Variants in LUC7L observed in about 807,000 individuals in gnomAD.
The protein encoded by LUC7L is LUC7 like.
LUC7L carries 29 observed loss-of-function variants against 51.1 expected under a neutral mutation model. The observed-to-expected ratio is 0.57, with a 90% CI of 0.42 to 0.77. The LOEUF (loss-of-function observed/expected upper bound fraction) is 0.77, where lower values mean the gene tolerates loss of function less well. Ranked by LOEUF, LUC7L falls within the 30% of genes least tolerant of loss-of-function variation. The pLI is 0.00. For synonymous variants in LUC7L, 181 were observed against 180.7 expected (o/e 1.00, Z -0.01); for missense variants, 403 against 511.9 (o/e 0.79, Z 2.05).
chr16:189,438 C>T, intron 9 of LUC7L, 99 bp from the exon 10 acceptor site: 1 of 1,459,700 alleles, frequency 6.9e-7, no homozygotes, highest in Non-Finnish European at 9.0e-7. Flanking sequence ...CCAGGCAAGG[C>T]CCTACATCCC....
chr16:205,240 C>G (rs952662518), intron 5 of LUC7L, among the ~76,000 whole-genome samples: 1 of 152,128 alleles, frequency 6.6e-6, no homozygotes, highest in Non-Finnish European at 1.5e-5. Flanking sequence ...CTCCAAAAGT[C>G]CTAGGATTAA....
intron 7 of LUC7L, 91 bp from the exon 8 acceptor site, chr16:190,661 C>T (rs1462871118): frequency 3.5e-6 from 4 of 1,153,434 alleles, no homozygotes; most frequent in Non-Finnish European, 3.9e-6. Context: ...CAGGCAATCA[C>T]CTGAGGTCAC....
rs372225550 is a variant in LUC7L at position 225,721 on chromosome 16, G to A, written c.156+1521C>T. Reference sequence around the variant, plus strand: ...GCTGGTCGCCAACTCCCAACCTCAGGTGATCCACCCGCCTCGGCCTCCCAA... The same window carrying A: ...GCTGGTCGCCAACTCCCAACCTCAGATGATCCACCCGCCTCGGCCTCCCAA... On this transcript the variant is annotated intron_variant, in intron 2 of 9. Transcript: ENST00000293872. Among the ~76,000 whole-genome samples the A allele has an allele frequency of 1.6e-4, 24 of 151,204 alleles. No individual in the cohort carries two copies. The South Asian group carries it at 3.7e-3, about 24-fold the overall frequency.
At chr16:211,677 A>G (rs993153170) in intron 3 of LUC7L, among the ~76,000 whole-genome samples, 1 of 151,842 alleles carries the variant, frequency 6.6e-6, no homozygotes, top group Non-Finnish European at 1.5e-5. Context: ...CTTACTAGAA[A>G]GTCACCCAAT....
chr16:189,968 T>C lies in LUC7L; in HGVS notation c.974A>G (p.Lys325Arg), dbSNP rs1199472358. 3 of 1,610,986 alleles carry C rather than the reference T, an allele frequency of 1.9e-6. No homozygotes were observed. The highest frequency in any genetic ancestry group is 1.1e-5 in the South Asian group (1 of 90,858). Residue 325 changes from lysine (K) to arginine (R), a missense_variant and splice_region_variant, in exon 9 of 10, where the codon AAG becomes AGG. Around this residue, in one of 3 missense-constraint regions of LUC7L, gnomAD observed 206 missense variants for 218.3 expected, o/e 0.94. Coordinates refer to ENST00000293872, the MANE Select transcript of LUC7L (RefSeq NM_201412.3). ...CTACCGAAGGAGTCAGAGTAGTTACTTGTATTTCGCACTTCGGTCCCGGGA... is the reference window on the plus strand; with the variant it reads ...CTACCGAAGGAGTCAGAGTAGTTACCTGTATTTCGCACTTCGGTCCCGGGA... Reference protein sequence around the residue: ...RASRDRSAKYKFSRERASREE... With the variant: ...RASRDRSAKYRFSRERASREE...
At chr16:204,692 T>C (rs2049432910) in intron 5 of LUC7L, among the ~76,000 whole-genome samples, 1 of 152,194 alleles carries the variant, frequency 6.6e-6, no homozygotes, top group African/African-American at 2.4e-5. Context: ...ACACTGCTCA[T>C]TTACAAGATG....
At chr16:205,869 G>A (rs184982009) in intron 5 of LUC7L, 135 bp downstream of exon 5, 22 of 997,950 alleles carry the variant, frequency 2.2e-5, no homozygotes, top group Middle Eastern at 2.2e-4. Flanking sequence ...GATGACAGGC[G>A]TGAGCCACTG....
chr16:223,727 T>C (rs1408637801), intron 2 of LUC7L, among the ~76,000 whole-genome samples: 1 of 151,946 alleles, frequency 6.6e-6, no homozygotes, highest in Non-Finnish European at 1.5e-5. Flanking sequence ...TGGAGTGCAG[T>C]GGCACGATCT....
At chr16:202,890 G>A (rs1457691075) in intron 5 of LUC7L, among the ~76,000 whole-genome samples, 1 of 152,222 alleles carries the variant, frequency 6.6e-6, no homozygotes, top group Non-Finnish European at 1.5e-5. Flanking sequence ...GCTCACGCCT[G>A]TAATCCCAGC....
In LUC7L at chr16:206,165, G is replaced by C. The variant is rs372014222; in HGVS notation, c.367-18C>G. ...TTTTCTGCCTGTGAGGAGAAAGAAT[G>C]AGGTAAGCAGACATCTGAAAATGAA... On this transcript the variant is annotated intron_variant, in intron 4 of 9. Coordinates refer to ENST00000293872, the MANE Select transcript of LUC7L (RefSeq NM_201412.3). 1.9e-6 allele frequency: 3 copies of C among 1,605,236 alleles called. No homozygotes were observed. The highest frequency in any genetic ancestry group is 1.7e-6 in the Non-Finnish European group (2 of 1,177,920).
chr16:208,303 T>C, intron 3 of LUC7L, 115 bp from the exon 4 acceptor site: 2 of 716,946 alleles, frequency 2.8e-6, no homozygotes, highest in Non-Finnish European at 4.7e-6. Flanking sequence ...AGCCTGTACA[T>C]TCAAGGGAAA....
intron 7 of LUC7L, among the ~76,000 whole-genome samples, chr16:191,794 G>A (rs1235792932): frequency 4.6e-5 from 7 of 152,316 alleles, no homozygotes; most frequent in Non-Finnish European, 8.8e-5. Flanking sequence ...GCAGTGAGCC[G>A]ATATCGCACC....
chr16:215,623 CAAAA>C (rs533237473), intron 3 of LUC7L, among the ~76,000 whole-genome samples: 1 of 73,868 alleles, frequency 1.4e-5, no homozygotes. Context: ...AACTCCGTCT[CAAAA>C]AAAAAAAAAA....
intron 7 of LUC7L, among the ~76,000 whole-genome samples, chr16:192,503 T>TTTC (rs74322194): frequency 2.7e-5 from 1 of 36,564 alleles, no homozygotes; most frequent in Non-Finnish European, 8.9e-5. Flanking sequence ...TGCTGTTTAC[T>TTTC]TTTTTTTTTT....
intron 5 of LUC7L, among the ~76,000 whole-genome samples, chr16:203,799 G>C (rs2049401683): frequency 6.6e-6 from 1 of 151,836 alleles, no homozygotes; most frequent in Non-Finnish European, 1.5e-5. Context: ...GGCGGATCAT[G>C]AGGTCAGGAG....
chr16:194,415 T>C (rs2049097255), intron 6 of LUC7L, among the ~76,000 whole-genome samples: 1 of 152,234 alleles, frequency 6.6e-6, no homozygotes, highest in Admixed American at 6.5e-5. Context: ...CATTAGATTT[T>C]AACAATGTGG....
chr16:203,846 C>G (rs2049403282), intron 5 of LUC7L, among the ~76,000 whole-genome samples: 1 of 151,788 alleles, frequency 6.6e-6, no homozygotes, highest in African/African-American at 2.4e-5. Flanking sequence ...TAAATCATAT[C>G]TCTACTAAAA....
chr16:206,096 C>G lies in LUC7L; in HGVS notation c.418G>C (p.Ala140Pro). The change falls in exon 5 of 10, where the codon GCC (alanine) becomes CCC (proline). Residue 140 changes from alanine to proline, a missense_variant. Ala to Pro is a conservative substitution (Grantham distance 27). Around this residue, in one of 3 missense-constraint regions of LUC7L, gnomAD observed 182 missense variants for 248.4 expected, o/e 0.73. Coordinates refer to ENST00000293872, the MANE Select transcript of LUC7L (RefSeq NM_201412.3). Reference sequence around the variant, plus strand: ...TTACCTTCAGCCCCTAGCTGTTCGGCTTTAGCAAGGAGTTTTCCTATTTCT... The same window carrying G: ...TTACCTTCAGCCCCTAGCTGTTCGGGTTTAGCAAGGAGTTTTCCTATTTCT... ...NEEIGKLLAK[A>P]EQLGAEGNVD... is the part of the protein sequence containing the mutation. 6.2e-7 allele frequency: 1 copy of G among 1,613,880 alleles called. No individual in the cohort carries two copies. Among genetic ancestry groups the G allele is most frequent in the Non-Finnish European group, 8.5e-7 (1 of 1,179,936 alleles).
At chr16:213,873 C>T in intron 3 of LUC7L, among the ~76,000 whole-genome samples, 1 of 152,014 alleles carries the variant, frequency 6.6e-6, no homozygotes, top group African/African-American at 2.4e-5. Context: ...CACCATCACA[C>T]CTGGCTAATA....
Sources: gnomAD v4.1 joint callset for allele counts (sites outside exome capture counted in the v4.1 genomes callset) on GRCh38, gnomAD v4.1.1 for gene constraint, gnomAD v4.1.1 regional missense constraint, MANE v1.5 for transcripts, NCBI Gene and HGNC (gene_info 2026-07-23, HGNC 2026-07-21) for gene names.